FAM135B: variants seen among roughly 807,000 people sequenced by gnomAD.
FAM135B encodes protein FAM135B.
In FAM135B, 43 loss-of-function variants were observed where a neutral mutation model predicts 127.7. The ratio of observed to expected loss-of-function variants is 0.34; its 90% CI spans 0.26 to 0.43. The LOEUF (loss-of-function observed/expected upper bound fraction) is 0.43. Among genes scored for constraint, FAM135B ranks in the 20% least tolerant of loss-of-function variants. The probability of loss-of-function intolerance (pLI) is 1.00; values close to 1 mark genes in which losing one functional copy is unlikely to be tolerated. For missense variants in FAM135B, 1,558 were observed against 1,725.6 expected (o/e 0.90, Z 1.72); for synonymous variants, 670 against 665.1 (o/e 1.01, Z -0.11).
At position 138,486,667 on chromosome 8, in the gene FAM135B, C is replaced by T. The variant is rs1032717510; in HGVS notation, c.-20+10004G>A. On this transcript the variant is annotated intron_variant, in intron 1 of 19. Transcript: ENST00000395297. Reference sequence around the variant, plus strand: ...ATGTGTGTCCCAGGGCATCCTGTGCCATCAGGCTGAGACTAGATATCCATG... The same window carrying T: ...ATGTGTGTCCCAGGGCATCCTGTGCTATCAGGCTGAGACTAGATATCCATG... 5.3e-5 allele frequency among the ~76,000 whole-genome samples: 8 copies of T among 152,322 alleles called. No individual in the cohort carries two copies. In the East Asian group the frequency reaches 9.7e-4, roughly 18 times the overall value.
intron 3 of FAM135B, among the ~76,000 whole-genome samples, chr8:138,310,443 T>C (rs1826593567): frequency 6.6e-6 from 1 of 152,082 alleles, no homozygotes; most frequent in African/African-American, 2.4e-5. Flanking sequence ...TCAAGGTGTA[T>C]GAAAAGTGCC....
chr8:138,390,472 A>C lies in FAM135B; in HGVS notation c.-19-22470T>G, dbSNP rs531171246. Among the ~76,000 whole-genome samples, 5 of 152,172 alleles carry C rather than the reference A, an allele frequency of 3.3e-5. No individual in the cohort carries two copies. The South Asian group carries it at 8.3e-4, about 25-fold the overall frequency. ...CCCACCCACATGGAACTGTGAGTCC[A>C]TCACACCTCTTTTTCTTTATAAATT... On this transcript the variant is annotated intron_variant, in intron 1 of 19. Coordinates refer to ENST00000395297, the MANE Select transcript of FAM135B (RefSeq NM_015912.4).
At chr8:138,372,286 C>T (rs533589384) in intron 1 of FAM135B, among the ~76,000 whole-genome samples, 1 of 152,350 alleles carries the variant, frequency 6.6e-6, no homozygotes, top group South Asian at 2.1e-4. Context: ...CTCACTCAGG[C>T]AGCAACACCC....
chr8:138,207,182 C>T (rs113708378), intron 7 of FAM135B, among the ~76,000 whole-genome samples: 12 of 151,320 alleles, frequency 7.9e-5, no homozygotes, highest in African/African-American at 2.7e-4. Flanking sequence ...TTTACATAGA[C>T]GGCAATAACT....
chr8:138,184,006 G>C (rs1815325494), intron 9 of FAM135B, among the ~76,000 whole-genome samples: 1 of 152,248 alleles, frequency 6.6e-6, no homozygotes, highest in African/African-American at 2.4e-5. Flanking sequence ...AAACTAAACT[G>C]AGCCATGGCT....
chr8:138,238,273 T>C (rs66482117), intron 7 of FAM135B, among the ~76,000 whole-genome samples: 28,417 of 152,166 alleles, frequency 0.19, 2,891 homozygotes, highest in East Asian at 0.38. Flanking sequence ...TGTCAGGCTG[T>C]ATGCTCAAGG....
Position 138,460,214 on chromosome 8 carries a change from G to A in FAM135B, c.-20+36457C>T, listed in dbSNP as rs772393577. Among the ~76,000 whole-genome samples, 24 of 152,156 alleles carry A rather than the reference G, an allele frequency of 1.6e-4. 1 individual carries two copies. Among genetic ancestry groups the A allele is most frequent in the African/African-American group, 4.6e-4 (19 of 41,422 alleles). ...ATACCTACATTTTGCAGATGAGGAC[G>A]CTGAGGCACAGGTAAGGGACATAAT... On this transcript the variant is annotated intron_variant, in intron 1 of 19. Transcript: ENST00000395297.
At chr8:138,205,896 G>A (rs1817514221) in intron 7 of FAM135B, among the ~76,000 whole-genome samples, 1 of 151,854 alleles carries the variant, frequency 6.6e-6, no homozygotes, top group Non-Finnish European at 1.5e-5. Flanking sequence ...TCAAGGTCAT[G>A]TTCTGACCCA....
intron 7 of FAM135B, among the ~76,000 whole-genome samples, chr8:138,227,076 G>A (rs1192062800): frequency 6.6e-6 from 1 of 152,194 alleles, no homozygotes; most frequent in Non-Finnish European, 1.5e-5. Flanking sequence ...CAGCAGGAAA[G>A]ATATGTTCTT....
At chr8:138,475,327 C>T (rs145696250) in intron 1 of FAM135B, among the ~76,000 whole-genome samples, 105 of 152,260 alleles carry the variant, frequency 6.9e-4, no homozygotes, top group Non-Finnish European at 4.4e-5. Flanking sequence ...TGGGGAGTCA[C>T]ATCAGATCTC....
intron 3 of FAM135B, among the ~76,000 whole-genome samples, chr8:138,294,256 G>A (rs559999413): frequency 6.6e-6 from 1 of 152,140 alleles, no homozygotes; most frequent in South Asian, 2.1e-4. Flanking sequence ...GAGAGTGGAA[G>A]GGGGTGAAAG....
chr8:138,397,459 C>G lies in FAM135B; in HGVS notation c.-19-29457G>C, dbSNP rs562556334. Among the ~76,000 whole-genome samples the G allele has an allele frequency of 3.3e-5, 5 of 152,210 alleles. No individual in the cohort carries two copies. In the South Asian group the frequency reaches 8.3e-4, roughly 25 times the overall value. Reference sequence around the variant, plus strand: ...ACAACATCGTGAATGCGTTAAATGCCAATACATTGTACACTTTAAATAGTT... The same window carrying G: ...ACAACATCGTGAATGCGTTAAATGCGAATACATTGTACACTTTAAATAGTT... On this transcript the variant is annotated intron_variant, in intron 1 of 19. Transcript: ENST00000395297.
At chr8:138,142,846 G>T in intron 16 of FAM135B, 166 bp downstream of exon 16, 1 of 551,708 alleles carries the variant, frequency 1.8e-6, no homozygotes, top group South Asian at 2.3e-5. Flanking sequence ...GAATGTGTAC[G>T]CCAGACCTGG....
At position 138,426,028 on chromosome 8, in the gene FAM135B, TAC is replaced by T. The variant is rs527267067; in HGVS notation, c.-19-58028_-19-58027del. On this transcript the variant is annotated intron_variant, in intron 1 of 19. Transcript: ENST00000395297. ...ATATATATATACACACACATACATA[TAC>T]ACACACACACACACACACACATATA... Among the ~76,000 whole-genome samples the T allele has an allele frequency of 9.8e-3, 419 of 42,936 alleles. 12 individuals are homozygous for T. The highest frequency in any genetic ancestry group is 0.03 in the African/African-American group (300 of 10,002). 28.2% of individuals were successfully genotyped at this position (42,936 alleles called of 152,430 possible).
At chr8:138,205,699 CA>C (rs1477167320) in intron 7 of FAM135B, among the ~76,000 whole-genome samples, 1 of 152,020 alleles carries the variant, frequency 6.6e-6, no homozygotes, top group Non-Finnish European at 1.5e-5. Flanking sequence ...TATTTCTCAC[CA>C]AAAATTTAAA....
chr8:138,270,972 C>G (rs6577903), intron 3 of FAM135B, among the ~76,000 whole-genome samples: 72,909 of 152,066 alleles, frequency 0.48, 18,212 homozygotes, highest in African/African-American at 0.62. Context: ...TTCTAAAGAC[C>G]TATGCTTCAA....
chr8:138,257,232 G>C (rs1323645839), intron 4 of FAM135B, among the ~76,000 whole-genome samples: 1 of 152,114 alleles, frequency 6.6e-6, no homozygotes, highest in African/African-American at 2.4e-5. Context: ...CATTGCCCAC[G>C]TGTCCAGAGG....
At position 138,138,865 on chromosome 8, in the gene FAM135B, C is replaced by T. The variant is rs1306481296; in HGVS notation, c.3901+121G>A. 6.0e-6 allele frequency: 4 copies of T among 663,890 alleles called. No individual in the cohort carries two copies. The African/African-American group carries it at 7.2e-5, about 12-fold the overall frequency. The allele number at this position is 663,890 out of a possible 1,614,324, so 41.1% of individuals were successfully genotyped here. ...CAATGAGCCAAAGAGGCTTTGAGTG[C>T]TGGGCCTCCTGACTAGGCCCTTCTG... On this transcript the variant is annotated intron_variant, in intron 18 of 19. Coordinates refer to ENST00000395297, the MANE Select transcript of FAM135B (RefSeq NM_015912.4).
intron 4 of FAM135B, among the ~76,000 whole-genome samples, chr8:138,261,925 T>C (rs752358992): frequency 2.0e-5 from 3 of 152,260 alleles, no homozygotes; most frequent in Non-Finnish European, 4.4e-5. Flanking sequence ...ATAAGCAGAC[T>C]GATACTAACT....
Sources: gnomAD v4.1 joint callset for allele counts (sites outside exome capture counted in the v4.1 genomes callset) on GRCh38, gnomAD v4.1.1 for gene constraint, MANE v1.5 for transcripts, NCBI Gene and HGNC (gene_info 2026-07-23, HGNC 2026-07-21) for gene names.